The following HSD17B3 variants were observed in gnomAD, a reference collection of about 807,000 sequenced individuals.
HSD17B3 encodes hydroxysteroid 17-beta dehydrogenase 3, also known as 17-beta-hydroxysteroid dehydrogenase type 3.
HSD17B3 carries 29 observed loss-of-function variants against 41.1 expected under a neutral mutation model. The ratio of observed to expected loss-of-function variants is 0.71; its 90% CI spans 0.53 to 0.96. The LOEUF (loss-of-function observed/expected upper bound fraction) is 0.96. Among genes scored for constraint, HSD17B3 ranks in the 40% least tolerant of loss-of-function variants. HSD17B3 has a pLI of 0.00. For synonymous variants in HSD17B3, 126 were observed against 145.6 expected (o/e 0.87, Z 0.97); for missense variants, 323 against 374.6 (o/e 0.86, Z 1.14).
Position 96,263,358 on chromosome 9 carries a change from T to C in HSD17B3, c.202-8415A>G, listed in dbSNP as rs567728444. ...AAGCCTACACTGGTTTGCCTCACAATTGGGTAATTGAGCAACAAATTTGAT... is the reference window on the plus strand; with the variant it reads ...AAGCCTACACTGGTTTGCCTCACAACTGGGTAATTGAGCAACAAATTTGAT... On this transcript the variant is annotated intron_variant, in intron 2 of 10. Transcript: ENST00000375263. Among the ~76,000 whole-genome samples the C allele has an allele frequency of 2.6e-5, 4 of 152,166 alleles. No homozygotes were observed. The East Asian group carries it at 7.7e-4, about 29-fold the overall frequency.
rs35056365 is a variant in HSD17B3 at position 96,251,522 on chromosome 9, A to T, written c.386-37T>A. ...AAGCAAAACAAAAATGTGTCAGAAGATCAGGTGGGAGATTTTCCCAAAGAA... is the reference window on the plus strand; with the variant it reads ...AAGCAAAACAAAAATGTGTCAGAAGTTCAGGTGGGAGATTTTCCCAAAGAA... On this transcript the variant is annotated intron_variant, in intron 4 of 10. Transcript: ENST00000375263. 1.5e-4 allele frequency: 237 copies of T among 1,561,710 alleles called. No homozygotes were observed. The East Asian group carries it at 5.2e-3, about 34-fold the overall frequency.
chr9:96,292,902 GA>G (rs1187607914), intron 2 of HSD17B3, among the ~76,000 whole-genome samples: 4 of 152,194 alleles, frequency 2.6e-5, no homozygotes, highest in Non-Finnish European at 5.9e-5. Flanking sequence ...AGTGCTGAAA[GA>G]AAAGGACTGT....
intron 2 of HSD17B3, among the ~76,000 whole-genome samples, chr9:96,290,455 G>GC (rs146569043): frequency 0.02 from 622 of 30,826 alleles, 11 homozygotes; most frequent in African/African-American, 0.05. Flanking sequence ...TATTTCCTGG[G>GC]CTTTTTTTTT....
chr9:96,301,336 G>T (rs1344396618), intron 1 of HSD17B3, among the ~76,000 whole-genome samples: 1 of 147,550 alleles, frequency 6.8e-6, no homozygotes, highest in Admixed American at 6.7e-5. Context: ...CCCAGCCGTT[G>T]GGGAGGCCGA....
intron 2 of HSD17B3, among the ~76,000 whole-genome samples, chr9:96,288,465 T>A (rs1246140394): frequency 1.3e-5 from 2 of 152,084 alleles, no homozygotes; most frequent in Non-Finnish European, 2.9e-5. Flanking sequence ...ATCTCCACAG[T>A]GAGGTTTCAC....
At chr9:96,285,522 C>T (rs991200810) in intron 2 of HSD17B3, among the ~76,000 whole-genome samples, 6 of 152,196 alleles carry the variant, frequency 3.9e-5, no homozygotes, top group South Asian at 4.1e-4. Flanking sequence ...CAGTTTCTCA[C>T]TTCATGGAAA....
At chr9:96,255,198 T>C (rs1825583058) in intron 2 of HSD17B3, among the ~76,000 whole-genome samples, 1 of 152,050 alleles carries the variant, frequency 6.6e-6, no homozygotes, top group Non-Finnish European at 1.5e-5. Flanking sequence ...CGGGGAACTT[T>C]TCTAAGTGCT....
chr9:96,244,280 G>A (rs375154883), intron 9 of HSD17B3, 49 bp downstream of exon 9: 71 of 1,585,604 alleles, frequency 4.5e-5, no homozygotes, highest in East Asian at 2.0e-4. Flanking sequence ...ACTCACAGCC[G>A]CCCACCTCAC....
At position 96,255,367 on chromosome 9, in the gene HSD17B3, CTTTTTTTTTTTTTTTTTTTTTTTTTTTT is replaced by C. The variant is rs869145717; in HGVS notation, c.202-452_202-425del. Among the ~76,000 whole-genome samples the C allele has an allele frequency of 7.3e-5, 4 of 54,546 alleles. No homozygotes were observed. In the Admixed American group the frequency reaches 8.4e-4, roughly 11 times the overall value. 35.8% of individuals were successfully genotyped at this position (54,546 alleles called of 152,430 possible). On this transcript the variant is annotated intron_variant, in intron 2 of 10. Transcript: ENST00000375263. ...AAGCAGTGTTTCTGCCCCAACATTTCTTTTTTTTTTTTTTTTTTTTTTTTTTTTTTTTTTTTTTTTGCAATAGAGTCTT... is the reference window on the plus strand; with the variant it reads ...AAGCAGTGTTTCTGCCCCAACATTTCTTTTTTTTTTTTGCAATAGAGTCTT...
intron 1 of HSD17B3, among the ~76,000 whole-genome samples, chr9:96,301,377 G>A (rs1187126472): frequency 1.4e-5 from 2 of 142,862 alleles, no homozygotes; most frequent in African/African-American, 5.2e-5. Flanking sequence ...AAGAGTTTGA[G>A]ACCAGCCTAG....
rs1170965041 is a variant in HSD17B3 at position 96,243,055 on chromosome 9, C to T, written c.672+1274G>A. 5.3e-5 allele frequency among the ~76,000 whole-genome samples: 8 copies of T among 152,336 alleles called. No homozygotes were observed. In the South Asian group the frequency reaches 1.0e-3, roughly 20 times the overall value. On this transcript the variant is annotated intron_variant, in intron 9 of 10. Coordinates refer to ENST00000375263, the MANE Select transcript of HSD17B3 (RefSeq NM_000197.2). ...TCCCACTCCTTTTCCTCTGGCATGTCGGCTGCTCCGTCAGCCTGGGGCCCT... is the reference window on the plus strand; with the variant it reads ...TCCCACTCCTTTTCCTCTGGCATGTTGGCTGCTCCGTCAGCCTGGGGCCCT...
rs985119989 is a variant in HSD17B3 at position 96,302,150 on chromosome 9, G to C, written c.-46C>G. 1.1e-5 allele frequency: 17 copies of C among 1,602,632 alleles called. No individual in the cohort carries two copies. Among genetic ancestry groups the C allele is most frequent in the African/African-American group, 1.3e-5 (1 of 74,474 alleles). ...TTCAGCCCTGGCCGTGGCTCTCTGTGTATGCCTCCTGGGACCACGCTGCTC... is the reference window on the plus strand; with the variant it reads ...TTCAGCCCTGGCCGTGGCTCTCTGTCTATGCCTCCTGGGACCACGCTGCTC... On this transcript the variant is annotated 5_prime_UTR_variant, in exon 1 of 11. Coordinates refer to ENST00000375263, the MANE Select transcript of HSD17B3 (RefSeq NM_000197.2).
intron 2 of HSD17B3, among the ~76,000 whole-genome samples, chr9:96,261,010 C>CT (rs759146123): frequency 6.8e-4 from 103 of 152,220 alleles, no homozygotes; most frequent in Admixed American, 9.8e-4. Flanking sequence ...TCCCCCTCTC[C>CT]TTTTTTGCCT....
In HSD17B3 at chr9:96,252,962, C is replaced by T. The variant is rs368004294; in HGVS notation, c.278-52G>A. The T allele has an allele frequency of 6.4e-4, 738 of 1,153,508 alleles. 2 individuals are homozygous for T. The Middle Eastern group carries it at 8.1e-3, about 13-fold the overall frequency. The allele number at this position is 1,153,508 out of a possible 1,614,324, so 71.5% of individuals were successfully genotyped here. On this transcript the variant is annotated intron_variant, in intron 3 of 10. Coordinates refer to ENST00000375263, the MANE Select transcript of HSD17B3 (RefSeq NM_000197.2). ...ATGAACAGGGATCCAAATGCCCCCT[C>T]GCCCATGAAGTTTCCCCCAGTGCTC...
chr9:96,255,367 C>CTTTTTTTTTTTTTTTTTTTTTTTT lies in HSD17B3; in HGVS notation c.202-448_202-425dup, dbSNP rs869145717. Among the ~76,000 whole-genome samples the CTTTTTTTTTTTTTTTTTTTTTTTT allele has an allele frequency of 1.6e-4, 9 of 54,566 alleles. 3 individuals carry two copies. The highest frequency in any genetic ancestry group is 2.0e-4 in the African/African-American group (3 of 14,718). 35.8% of individuals were successfully genotyped at this position (54,566 alleles called of 152,430 possible). ...AAGCAGTGTTTCTGCCCCAACATTT[C>CTTTTTTTTTTTTTTTTTTTTTTTT]TTTTTTTTTTTTTTTTTTTTTTTTT... On this transcript the variant is annotated intron_variant, in intron 2 of 10. Coordinates refer to ENST00000375263, the MANE Select transcript of HSD17B3 (RefSeq NM_000197.2).
chr9:96,278,067 C>T (rs1473787247), intron 2 of HSD17B3, among the ~76,000 whole-genome samples: 3 of 152,104 alleles, frequency 2.0e-5, no homozygotes, highest in Non-Finnish European at 4.4e-5. Flanking sequence ...TAGAATGTTG[C>T]TGCTAGAGGC....
At chr9:96,266,962 C>A (rs1826063246) in intron 2 of HSD17B3, among the ~76,000 whole-genome samples, 1 of 152,068 alleles carries the variant, frequency 6.6e-6, no homozygotes, top group African/African-American at 2.4e-5. Flanking sequence ...CTTAGGACTC[C>A]TCTCACCCTA....
intron 2 of HSD17B3, among the ~76,000 whole-genome samples, chr9:96,261,088 A>G (rs1825840579): frequency 6.6e-6 from 1 of 152,192 alleles, no homozygotes; most frequent in Non-Finnish European, 1.5e-5. Context: ...GCAGTTTAAC[A>G]CAACAAAAGT....
intron 2 of HSD17B3, among the ~76,000 whole-genome samples, chr9:96,268,809 C>T (rs1312062349): frequency 5.3e-5 from 8 of 152,054 alleles, no homozygotes; most frequent in South Asian, 2.1e-4. Flanking sequence ...ATTAGCTGCA[C>T]GTGGTGGTGC....
Sources: gnomAD v4.1 joint callset for allele counts (sites outside exome capture counted in the v4.1 genomes callset) on GRCh38, gnomAD v4.1.1 for gene constraint, MANE v1.5 for transcripts, NCBI Gene and HGNC (gene_info 2026-07-23, HGNC 2026-07-21) for gene names.